The following PDE5A variants were observed in gnomAD, a reference collection of about 807,000 sequenced individuals.
PDE5A encodes cGMP-specific 3',5'-cyclic phosphodiesterase.
PDE5A carries 67 observed loss-of-function variants against 110.2 expected under a neutral mutation model. The ratio of observed to expected loss-of-function variants is 0.61; its 90% CI spans 0.50 to 0.75. PDE5A has a LOEUF of 0.75. PDE5A is among the 30% of genes least tolerant of loss of function. The pLI, the probability that PDE5A is intolerant of heterozygous loss-of-function variation, is 0.00. For missense variants in PDE5A, 862 were observed against 1,045.1 expected (o/e 0.82, Z 2.42); for synonymous variants, 328 against 351.2 (o/e 0.93, Z 0.74).
At chr4:119,609,760 TGAAA>T (rs1729678024) in intron 1 of PDE5A, among the ~76,000 whole-genome samples, 1 of 152,290 alleles carries the variant, frequency 6.6e-6, no homozygotes, top group Non-Finnish European at 1.5e-5. Context: ...TAAAAATTGC[TGAAA>T]GAGATTTTAA....
chr4:119,589,732 T>A (rs1728897456), intron 3 of PDE5A, among the ~76,000 whole-genome samples: 2 of 152,306 alleles, frequency 1.3e-5, no homozygotes, highest in South Asian at 4.1e-4. Context: ...AATTTTCTTA[T>A]AAATTCCTCT....
At chr4:119,594,574 T>G (rs886361402) in intron 3 of PDE5A, among the ~76,000 whole-genome samples, 2 of 152,222 alleles carry the variant, frequency 1.3e-5, no homozygotes, top group African/African-American at 4.8e-5. Context: ...CTTTAAAAAT[T>G]TGATATACCT....
At chr4:119,562,080 C>T (rs1302969639) in intron 6 of PDE5A, among the ~76,000 whole-genome samples, 1 of 152,124 alleles carries the variant, frequency 6.6e-6, no homozygotes, top group African/African-American at 2.4e-5. Context: ...CAAACAACTA[C>T]AGCAAAAAGA....
chr4:119,565,467 G>C, intron 4 of PDE5A, 57 bp from the exon 5 acceptor site: 1 of 1,103,364 alleles, frequency 9.1e-7, no homozygotes, highest in Admixed American at 1.8e-5. Context: ...TAGTTACATT[G>C]CCTGAAATAC....
At chr4:119,581,970 G>A (rs1180724523) in intron 3 of PDE5A, among the ~76,000 whole-genome samples, 1 of 152,212 alleles carries the variant, frequency 6.6e-6, no homozygotes, top group Non-Finnish European at 1.5e-5. Context: ...TAACTTTGAT[G>A]TTGATGGCTG....
intron 13 of PDE5A, 54 bp downstream of exon 13, chr4:119,520,881 T>C: frequency 1.4e-6 from 2 of 1,461,132 alleles, no homozygotes; most frequent in South Asian, 1.3e-5. Context: ...ATGCTATAAA[T>C]TTTACTACTA....
At chr4:119,520,909 G>C in intron 13 of PDE5A, 26 bp downstream of exon 13, 1 of 1,588,262 alleles carries the variant, frequency 6.3e-7, no homozygotes, top group Non-Finnish European at 8.6e-7. Context: ...AAATGTATTA[G>C]ATATATGAAT....
At chr4:119,553,610 G>GAT in intron 8 of PDE5A, 28 bp downstream of exon 8, 1 of 1,092,388 alleles carries the variant, frequency 9.2e-7, no homozygotes. Context: ...CAGCCTTCTA[G>GAT]CTTCAAGTCT....
intron 9 of PDE5A, among the ~76,000 whole-genome samples, chr4:119,544,148 G>A (rs527672264): frequency 3.9e-5 from 6 of 152,120 alleles, no homozygotes; most frequent in South Asian, 4.1e-4. Flanking sequence ...TCTGGAAGAC[G>A]GTTGCACATT....
intron 2 of PDE5A, among the ~76,000 whole-genome samples, chr4:119,597,742 A>G (rs1391275890): frequency 6.6e-6 from 1 of 152,178 alleles, no homozygotes; most frequent in African/African-American, 2.4e-5. Context: ...AATAAAAAAT[A>G]AATTAGTCAC....
chr4:119,509,527 C>T (rs1246832016), intron 15 of PDE5A, among the ~76,000 whole-genome samples: 1 of 151,954 alleles, frequency 6.6e-6, no homozygotes, highest in East Asian at 1.9e-4. Flanking sequence ...TATGCACGAG[C>T]CAAAGGGAGG....
At chr4:119,541,545 G>C (rs1443878184) in intron 10 of PDE5A, among the ~76,000 whole-genome samples, 1 of 151,888 alleles carries the variant, frequency 6.6e-6, no homozygotes, top group East Asian at 1.9e-4. Context: ...ATTCAGCATA[G>C]AAAGTAAAGG....
chr4:119,549,890 C>A (rs1261004452), intron 9 of PDE5A: 1 of 152,082 alleles, frequency 6.6e-6, no homozygotes, highest in Non-Finnish European at 1.5e-5. Flanking sequence ...GTCTATAATT[C>A]CATCTAAATG....
chr4:119,596,702 C>T, intron 2 of PDE5A, 90 bp from the exon 3 acceptor site: 1 of 668,238 alleles, frequency 1.5e-6, no homozygotes, highest in Non-Finnish European at 2.5e-6. Context: ...GAAATCTAAC[C>T]TTGGACTTAC....
intron 1 of PDE5A, among the ~76,000 whole-genome samples, chr4:119,608,538 T>C (rs1420234073): frequency 6.6e-6 from 1 of 152,174 alleles, no homozygotes; most frequent in African/African-American, 2.4e-5. Context: ...AAATTAGACC[T>C]TGTTTCTCAC....
chr4:119,518,859 T>C (rs1213279801), intron 14 of PDE5A, among the ~76,000 whole-genome samples, 186 bp downstream of exon 14: 1 of 152,236 alleles, frequency 6.6e-6, no homozygotes, highest in African/African-American at 2.4e-5. Flanking sequence ...AAATATGTTT[T>C]GAACTTCAGG....
At chr4:119,602,081 G>A (rs181729984) in intron 2 of PDE5A, among the ~76,000 whole-genome samples, 1 of 152,254 alleles carries the variant, frequency 6.6e-6, no homozygotes, top group African/African-American at 2.4e-5. Context: ...GACAACTGAT[G>A]AAATTTTGAC....
chr4:119,542,857 AAATCCTAGAGTAC>A (rs554873411), intron 9 of PDE5A, among the ~76,000 whole-genome samples: 31 of 152,240 alleles, frequency 2.0e-4, no homozygotes, highest in African/African-American at 7.5e-4. Flanking sequence ...GGCGTTCAAA[AAATCCTAGAGTAC>A]TATTTTCTTC....
At chr4:119,558,748 T>C (rs1472523098) in intron 7 of PDE5A, among the ~76,000 whole-genome samples, 1 of 151,868 alleles carries the variant, frequency 6.6e-6, no homozygotes, top group African/African-American at 2.4e-5. Context: ...AAACCCCGTC[T>C]CTACTAAAAA....
Sources: gnomAD v4.1 joint callset for allele counts (sites outside exome capture counted in the v4.1 genomes callset) on GRCh38, gnomAD v4.1.1 for gene constraint, MANE v1.5 for transcripts, NCBI Gene and HGNC (gene_info 2026-07-23, HGNC 2026-07-21) for gene names.